Variants in ZNF804B observed in about 807,000 individuals in gnomAD.
The protein encoded by ZNF804B is zinc finger protein 804B, also known as zinc finger 804B.
ZNF804B carries 80 observed loss-of-function variants against 101.4 expected under a neutral mutation model. The observed-to-expected ratio is 0.79, with a 90% CI of 0.66 to 0.95. The LOEUF is 0.95. Among genes scored for constraint, ZNF804B ranks in the 40% least tolerant of loss-of-function variants. The pLI, the probability that ZNF804B is intolerant of heterozygous loss-of-function variation, is 0.00. For synonymous variants in ZNF804B, 622 were observed against 558.8 expected (o/e 1.11, Z -1.59); for missense variants, 1,673 against 1,561.9 (o/e 1.07, Z -1.20).
At chr7:88,975,879 T>C (rs1018301758) in intron 1 of ZNF804B, among the ~76,000 whole-genome samples, 1 of 151,636 alleles carries the variant, frequency 6.6e-6, no homozygotes, top group African/African-American at 2.4e-5. Flanking sequence ...TTTTGCCCAA[T>C]GTTTCCTTTT....
At chr7:89,190,959 TG>T (rs1445446351) in intron 1 of ZNF804B, among the ~76,000 whole-genome samples, 2 of 152,194 alleles carry the variant, frequency 1.3e-5, no homozygotes, top group African/African-American at 4.8e-5. Flanking sequence ...AGAACTTTTA[TG>T]TGCACAGGAA....
chr7:89,146,454 G>T (rs1168177202), intron 1 of ZNF804B, among the ~76,000 whole-genome samples: 1 of 152,030 alleles, frequency 6.6e-6, no homozygotes, highest in African/African-American at 2.4e-5. Context: ...TGACAAGCTG[G>T]AAGTAGCTTC....
chr7:88,862,476 T>C (rs1307111851), intron 1 of ZNF804B, among the ~76,000 whole-genome samples: 1 of 152,026 alleles, frequency 6.6e-6, no homozygotes, highest in Non-Finnish European at 1.5e-5. Context: ...CCAAGCAACA[T>C]GGAAAACAAT....
chr7:88,817,532 C>T (rs1260447712), intron 1 of ZNF804B, among the ~76,000 whole-genome samples: 5 of 152,052 alleles, frequency 3.3e-5, no homozygotes. Flanking sequence ...TAGTGACTTG[C>T]TCTCTATTTT....
chr7:89,083,651 A>C (rs1789730198), intron 1 of ZNF804B, among the ~76,000 whole-genome samples: 1 of 151,940 alleles, frequency 6.6e-6, no homozygotes, highest in Non-Finnish European at 1.5e-5. Context: ...GAAAGAACTG[A>C]AACCAATATA....
chr7:88,767,316 C>G (rs1290315909), intron 1 of ZNF804B, among the ~76,000 whole-genome samples: 1 of 152,164 alleles, frequency 6.6e-6, no homozygotes, highest in Non-Finnish European at 1.5e-5. Flanking sequence ...GTGTTCTTCC[C>G]CTGCCCTTCT....
intron 1 of ZNF804B, among the ~76,000 whole-genome samples, chr7:89,132,322 AAAC>A (rs1256239434): frequency 2.0e-5 from 3 of 151,992 alleles, no homozygotes; most frequent in African/African-American, 7.2e-5. Flanking sequence ...AAACAAAACA[AAAC>A]AAAACAAAGA....
At chr7:89,294,003 A>G (rs1245255192) in intron 2 of ZNF804B, among the ~76,000 whole-genome samples, 1 of 152,198 alleles carries the variant, frequency 6.6e-6, no homozygotes, top group East Asian at 1.9e-4. Context: ...ACCCATTTCT[A>G]TGGCAACTCT....
At chr7:88,895,030 A>G (rs1225270284) in intron 1 of ZNF804B, among the ~76,000 whole-genome samples, 1 of 152,240 alleles carries the variant, frequency 6.6e-6, no homozygotes, top group Non-Finnish European at 1.5e-5. Flanking sequence ...GTGCAAAATG[A>G]CAAAAACTAT....
intron 1 of ZNF804B, among the ~76,000 whole-genome samples, chr7:89,133,668 T>C (rs780365317): frequency 2.0e-5 from 3 of 152,052 alleles, no homozygotes; most frequent in Non-Finnish European, 4.4e-5. Flanking sequence ...CCTAATACAG[T>C]TGAGAATTCT....
chr7:89,266,307 A>G (rs898055732), intron 2 of ZNF804B, among the ~76,000 whole-genome samples: 2 of 152,106 alleles, frequency 1.3e-5, no homozygotes, highest in African/African-American at 2.4e-5. Context: ...AAAAAGAACC[A>G]TTCTTCATGA....
At chr7:88,778,396 T>C (rs76876618) in intron 1 of ZNF804B, among the ~76,000 whole-genome samples, 2,970 of 152,318 alleles carry the variant, frequency 0.019, 94 homozygotes, top group African/African-American at 0.067. Flanking sequence ...ATAAAGTCTC[T>C]TTTGACATGC....
intron 1 of ZNF804B, among the ~76,000 whole-genome samples, chr7:88,909,176 T>C (rs1296270004): frequency 1.3e-5 from 2 of 151,802 alleles, no homozygotes; most frequent in Admixed American, 1.3e-4. Context: ...AATTGTTCCC[T>C]CCCTATATGG....
At chr7:89,104,828 A>G (rs1230514805) in intron 1 of ZNF804B, among the ~76,000 whole-genome samples, 3 of 152,032 alleles carry the variant, frequency 2.0e-5, no homozygotes, top group Non-Finnish European at 2.9e-5. Flanking sequence ...CATAAATTTG[A>G]CAATGCTTCT....
intron 1 of ZNF804B, among the ~76,000 whole-genome samples, chr7:89,116,866 A>G (rs976645713): frequency 3.9e-5 from 6 of 152,238 alleles, no homozygotes; most frequent in Non-Finnish European, 8.8e-5. Flanking sequence ...TGTCCAGAAC[A>G]TGTAAATATT....
intron 1 of ZNF804B, among the ~76,000 whole-genome samples, chr7:89,165,149 C>A (rs1393867173): frequency 5.9e-5 from 9 of 152,078 alleles, no homozygotes; most frequent in Non-Finnish European, 1.3e-4. Context: ...CATGCTACAA[C>A]TGTATGGCTA....
At chr7:88,889,372 A>G (rs1792181658) in intron 1 of ZNF804B, among the ~76,000 whole-genome samples, 1 of 151,744 alleles carries the variant, frequency 6.6e-6, no homozygotes, top group South Asian at 2.1e-4. Context: ...CTCCATAACG[A>G]TGGCTAAATT....
At chr7:89,095,261 G>A (rs1789955383) in intron 1 of ZNF804B, among the ~76,000 whole-genome samples, 1 of 152,176 alleles carries the variant, frequency 6.6e-6, no homozygotes, top group Non-Finnish European at 1.5e-5. Context: ...TCTGGAGGAT[G>A]CGGTCACAAA....
chr7:89,276,213 C>A (rs1562934324), intron 2 of ZNF804B, among the ~76,000 whole-genome samples: 1 of 151,728 alleles, frequency 6.6e-6, no homozygotes, highest in Non-Finnish European at 1.5e-5. Flanking sequence ...ATAGGTAATG[C>A]ATGCTGGGCT....
Sources: allele counts gnomAD v4.1 joint callset (sites outside exome capture counted in the v4.1 genomes callset), GRCh38; gene constraint gnomAD v4.1.1; transcripts MANE v1.5; gene names NCBI Gene and HGNC (gene_info 2026-07-23, HGNC 2026-07-21).